UBE3B: variants seen among roughly 807,000 people sequenced by gnomAD.
The protein encoded by UBE3B is ubiquitin-protein ligase E3B.
UBE3B carries 80 observed loss-of-function variants against 132.3 expected under a neutral mutation model. That is an observed-to-expected ratio of 0.60 (90% CI 0.50 to 0.73). UBE3B has a LOEUF of 0.73. Among genes scored for constraint, UBE3B ranks in the 30% least tolerant of loss-of-function variants. UBE3B has a pLI of 0.00. For synonymous variants in UBE3B, 487 were observed against 520.4 expected, an observed-to-expected ratio of 0.94 and a Z score of 0.87; for missense variants, 1,196 against 1,362.5, an observed-to-expected ratio of 0.88 and a Z score of 1.92.
chr12:109,534,239 A>T lies in UBE3B; in HGVS notation c.3016-352A>T. 7.9e-7 allele frequency: 1 copy of T among 1,260,426 alleles called. No individual in the cohort carries two copies. The highest frequency in any genetic ancestry group is 1.0e-6 in the Non-Finnish European group (1 of 989,008). The allele number at this position is 1,260,426 out of a possible 1,614,324, so 78.1% of individuals were successfully genotyped here. On this transcript the variant is annotated intron_variant, in intron 27 of 27. Transcript: ENST00000342494. This position sits in a 1 kb window ranked among gnomAD's most constrained non-coding sequence, Gnocchi z 5.2. Reference sequence around the variant, plus strand: ...GCCACCGGCCACAGCACCGGTGAGGAGGGAGGAGTGCATTCAGAAATGTTT... The same window carrying T: ...GCCACCGGCCACAGCACCGGTGAGGTGGGAGGAGTGCATTCAGAAATGTTT...
Position 109,521,517 on chromosome 12 carries a change from T to G in UBE3B, c.2330T>G (p.Phe777Cys), listed in dbSNP as rs749443443. The stretch of plus-strand genomic sequence containing the variant: ...GAGAATTACCTGCAGCTCTTCGAGT[T>G]TGTGGGGAAGATGCTGGGGAAGGCT... ...IHENYLQLFE[F>C]VGKMLGKAVY... The change falls in exon 21 of 28, where the codon TTT becomes TGT. Residue 777 changes from phenylalanine (F) to cysteine (C), a missense_variant. Phe to Cys is a radical substitution (Grantham distance 205). Transcript: ENST00000342494. This position sits in a 1 kb window ranked among gnomAD's most constrained non-coding sequence, Gnocchi z 4.2. 4 of 1,601,090 alleles carry G rather than the reference T, an allele frequency of 2.5e-6. No homozygotes were observed. Among genetic ancestry groups the G allele is most frequent in the Non-Finnish European group, 3.4e-6 (4 of 1,171,342 alleles).
At chr12:109,487,289 A>G (rs1165566245) in intron 6 of UBE3B, among the ~76,000 whole-genome samples, 1 of 152,152 alleles carries the variant, frequency 6.6e-6, no homozygotes, top group African/African-American at 2.4e-5. Context: ...TGTTCTGAAA[A>G]GGATGGACAG....
chr12:109,494,322 A>G (rs1344770870), intron 9 of UBE3B, among the ~76,000 whole-genome samples: 1 of 152,094 alleles, frequency 6.6e-6, no homozygotes, highest in Admixed American at 6.5e-5. Flanking sequence ...TAATATATAT[A>G]TTTTTTAGTA....
intron 7 of UBE3B, among the ~76,000 whole-genome samples, chr12:109,489,294 G>C (rs1026329556): frequency 6.6e-6 from 1 of 152,228 alleles, no homozygotes; most frequent in African/African-American, 2.4e-5. Flanking sequence ...GTAAGTGCTT[G>C]GAAGGAAGCA....
chr12:109,519,163 C>G (rs1881408098), intron 19 of UBE3B, among the ~76,000 whole-genome samples: 1 of 152,180 alleles, frequency 6.6e-6, no homozygotes, highest in South Asian at 2.1e-4. Flanking sequence ...CTGTCTCTGT[C>G]AAAGGCAGAA....
rs1472188111 is a variant in UBE3B at position 109,497,935 on chromosome 12, C to G, written c.819+12C>G. 1 of 1,613,052 alleles carries G rather than the reference C, an allele frequency of 6.2e-7. No individual in the cohort carries two copies. Among genetic ancestry groups the G allele is most frequent in the Non-Finnish European group, 8.5e-7 (1 of 1,179,238 alleles). ...CAGTGACCCCTGAGGTAAGCAGGCT[C>G]TGTGAGTTCCCCGTGAAAACCCAAT... On this transcript the variant is annotated intron_variant, in intron 10 of 27. Transcript: ENST00000342494.
chr12:109,503,118 G>A lies in UBE3B; in HGVS notation c.1378G>A (p.Val460Ile), dbSNP rs775958934. 1.2e-6 allele frequency: 2 copies of A among 1,614,176 alleles called. No homozygotes were observed. Among genetic ancestry groups the A allele is most frequent in the South Asian group, 2.2e-5 (2 of 91,086 alleles). ...GGTCGACTCTGCAGAAGTCCAGAAG[G>A]TTTGCAACATCTGTGTCCTCTACCA... Reference protein sequence around the residue: ...KRVDSAEVQKVCNICVLYQTS... With the variant: ...KRVDSAEVQKICNICVLYQTS... Residue 460 changes from valine to isoleucine, a missense_variant, in exon 14 of 28, where the codon GTT becomes ATT. Transcript: ENST00000342494.
At chr12:109,547,046 G>A in the UBE3B span, among the ~76,000 whole-genome samples, 1 of 152,018 alleles carries the variant, frequency 6.6e-6, no homozygotes, top group Non-Finnish European at 1.5e-5. This position sits in a 1 kb window ranked among gnomAD's most constrained non-coding sequence, Gnocchi z 4.1. Flanking sequence ...GACACCAAAG[G>A]AGAAACCAAT....
At chr12:109,545,842 G>T in the UBE3B span, among the ~76,000 whole-genome samples, 5 of 152,132 alleles carry the variant, frequency 3.3e-5, no homozygotes, top group Non-Finnish European at 7.4e-5. Flanking sequence ...CTAGAGCCCT[G>T]GTCTCCCCAA....
chr12:109,498,013 A>G (rs962548608), intron 10 of UBE3B, 90 bp downstream of exon 10: 60 of 1,429,012 alleles, frequency 4.2e-5, no homozygotes, highest in Non-Finnish European at 5.5e-5. Context: ...TTCTCTGCTT[A>G]TTTCCACACC....
At chr12:109,527,639 T>C (rs923742497) in intron 24 of UBE3B, among the ~76,000 whole-genome samples, 6 of 152,206 alleles carry the variant, frequency 3.9e-5, no homozygotes, top group African/African-American at 1.4e-4. Context: ...CCGGCCTTGC[T>C]CCTTGGCCAC....
At chr12:109,481,176 G>A (rs528854156) in intron 1 of UBE3B, among the ~76,000 whole-genome samples, 66 of 151,996 alleles carry the variant, frequency 4.3e-4, no homozygotes, top group South Asian at 1.7e-3. Flanking sequence ...CTGAGATAGG[G>A]TATGGTGGCA....
chr12:109,516,841 C>T lies in UBE3B; in HGVS notation c.2033C>T (p.Pro678Leu), dbSNP rs368809737. ...CTGGTGGAAACCAGCTCTGCCTCCC[C>T]GCATGTCACTCACATCACCATCCGC... ...LGLVETSSAS[P>L]HVTHITIRRS... Residue 678 changes from proline (P) to leucine (L), a missense_variant, in exon 19 of 28, where the codon CCG becomes CTG. Coordinates refer to ENST00000342494, the MANE Select transcript of UBE3B (RefSeq NM_130466.4). 82 of 1,614,052 alleles carry T rather than the reference C, an allele frequency of 5.1e-5. No individual in the cohort carries two copies. Among genetic ancestry groups the T allele is most frequent in the African/African-American group, 2.0e-4 (15 of 74,994 alleles).
the UBE3B span, among the ~76,000 whole-genome samples, chr12:109,546,302 G>C: frequency 1.2e-4 from 19 of 152,202 alleles, no homozygotes; most frequent in Non-Finnish European, 2.8e-4. Context: ...TCAAAAGCTG[G>C]ATGGCTAGAA....
chr12:109,483,786 T>G, intron 3 of UBE3B, 74 bp downstream of exon 3: 7 of 1,587,908 alleles, frequency 4.4e-6, no homozygotes, highest in Non-Finnish European at 6.0e-6. Flanking sequence ...TTTTTTCTCA[T>G]AAAGTGCTTG....
chr12:109,512,132 G>A (rs1880443447), intron 18 of UBE3B, among the ~76,000 whole-genome samples: 1 of 152,152 alleles, frequency 6.6e-6, no homozygotes, highest in Non-Finnish European at 1.5e-5. Flanking sequence ...AGGGGGTCTG[G>A]CATTCAGGAG....
intron 9 of UBE3B, among the ~76,000 whole-genome samples, chr12:109,493,916 C>T (rs1486434375): frequency 6.6e-6 from 1 of 152,188 alleles, no homozygotes; most frequent in Non-Finnish European, 1.5e-5. Flanking sequence ...GCCTCAAACT[C>T]CCGGGCTCAA....
chr12:109,547,643 C>A, the UBE3B span, among the ~76,000 whole-genome samples: 1 of 152,160 alleles, frequency 6.6e-6, no homozygotes, highest in Admixed American at 6.5e-5. The surrounding 1 kb of genome is among the most constrained non-coding windows in gnomAD (Gnocchi z 4.1). Flanking sequence ...AGAAATAGCC[C>A]TGCTCCCTGA....
intron 8 of UBE3B, 200 bp from the exon 9 acceptor site, chr12:109,490,845 G>A (rs757386264): frequency 3.1e-5 from 37 of 1,182,234 alleles, no homozygotes; most frequent in Non-Finnish European, 3.6e-5. Flanking sequence ...TAAGAGACAG[G>A]GTTGCCCTGT....
Sources: gnomAD v4.1 joint callset for allele counts (sites outside exome capture counted in the v4.1 genomes callset) on GRCh38, gnomAD v4.1.1 for gene constraint, Gnocchi (gnomAD v3.1) non-coding constraint, MANE v1.5 for transcripts, NCBI Gene and HGNC (gene_info 2026-07-23, HGNC 2026-07-21) for gene names.